The following GNA15 variants were observed in gnomAD, a reference collection of about 807,000 sequenced individuals.
The protein encoded by GNA15 is G protein subunit alpha 15, also known as guanine nucleotide-binding protein subunit alpha-15.
Under a neutral mutation model 40.1 loss-of-function variants are expected in GNA15, and 23 were observed. The ratio of observed to expected loss-of-function variants is 0.57; its 90% confidence interval spans 0.41 to 0.81. The LOEUF (loss-of-function observed/expected upper bound fraction) is 0.81, where lower values mean the gene tolerates loss of function less well. Among genes scored for constraint, GNA15 ranks in the 40% least tolerant of loss-of-function variants. GNA15 has a pLI of 0.00. For missense variants in GNA15, 522 were observed against 515.8 expected, an observed-to-expected ratio of 1.01 and a Z score of -0.12; for synonymous variants, 226 against 210.4, an observed-to-expected ratio of 1.07 and a Z score of -0.64.
At chr19:3,152,758 T>G (rs907892318) in intron 4 of GNA15, among the ~76,000 whole-genome samples, 1 of 152,072 alleles carries the variant, frequency 6.6e-6, no homozygotes, top group Non-Finnish European at 1.5e-5. Context: ...AGACAGCGAT[T>G]GTGTTTGACC....
At chr19:3,145,301 C>G (rs570064586) in intron 1 of GNA15, among the ~76,000 whole-genome samples, 41 of 142,414 alleles carry the variant, frequency 2.9e-4, no homozygotes, top group Admixed American at 5.0e-4. Context: ...TCATGAGTAG[C>G]TGTAACTACC....
At chr19:3,150,420 C>CCAGGGGGACCCTAA (rs1914852868) in intron 3 of GNA15, 135 bp downstream of exon 3, 2 of 725,542 alleles carry the variant, frequency 2.8e-6, no homozygotes, top group Non-Finnish European at 4.4e-6. Context: ...GGATGAGGTC[C>CCAGGGGGACCCTAA]TTCCAGGGGG....
At chr19:3,144,705 T>C (rs1449325063) in intron 1 of GNA15, among the ~76,000 whole-genome samples, 2 of 151,422 alleles carry the variant, frequency 1.3e-5, no homozygotes, top group African/African-American at 4.9e-5. Context: ...ATTTTTTGTA[T>C]TTTTAGTAGA....
Position 3,162,893 on chromosome 19 carries a change from C to T in GNA15, c.999C>T (p.Gly333=). Residue 333 remains glycine (G), a synonymous_variant, in exon 7 of 7, where the codon GGC becomes GGT. Coordinates refer to ENST00000262958, the MANE Select transcript of GNA15 (RefSeq NM_002068.4). ...ACGGCCCCGAGGGCAGCAAGAAGGG[C>T]GCACGATCCCGACGCCTCTTCAGCC... ...CVDGPEGSKK[G]ARSRRLFSHY... The T allele has an allele frequency of 6.2e-7, 1 of 1,613,502 alleles. No individual in the cohort carries two copies. The highest frequency in any genetic ancestry group is 8.5e-7 in the Non-Finnish European group (1 of 1,179,424).
chr19:3,162,735 A>G (rs775487907), intron 6 of GNA15, 58 bp from the exon 7 acceptor site: 2 of 1,166,078 alleles, frequency 1.7e-6, no homozygotes, highest in Non-Finnish European at 2.6e-6. Flanking sequence ...GGGTCTCCAG[A>G]GGCCCCCTGG....
intron 4 of GNA15, among the ~76,000 whole-genome samples, chr19:3,152,592 A>G (rs991166264): frequency 2.0e-5 from 3 of 152,138 alleles, no homozygotes. Flanking sequence ...CAGCAGAGCA[A>G]TGGCCAATGT....
At chr19:3,142,664 G>T (rs2144842312) in intron 1 of GNA15, among the ~76,000 whole-genome samples, 1 of 152,130 alleles carries the variant, frequency 6.6e-6, no homozygotes, top group South Asian at 2.1e-4. Flanking sequence ...TTGAGGCCAG[G>T]AGTTCAAGAC....
In GNA15 at chr19:3,148,552, C is replaced by T. The variant is rs1339875208; in HGVS notation, c.146-39C>T. On this transcript the variant is annotated intron_variant, in intron 1 of 6. Coordinates refer to ENST00000262958, the MANE Select transcript of GNA15 (RefSeq NM_002068.4). The stretch of plus-strand genomic sequence containing the variant: ...GGTTGGGGGTGTCGGGGGTGGGAGT[C>T]CCGTGGAGGGCTGAGCGGTTCTGCT... The T allele has an allele frequency of 1.9e-5, 28 of 1,510,912 alleles. 1 individual carries two copies. In the African/African-American group the frequency reaches 2.3e-4, roughly 13 times the overall value. 93.6% of individuals were successfully genotyped at this position (1,510,912 alleles called of 1,614,324 possible). A position where few individuals can be genotyped will look rare whatever the true frequency, so the allele number is the denominator to read the frequency against.
chr19:3,149,089 A>C, intron 2 of GNA15: 1 of 345,062 alleles, frequency 2.9e-6, no homozygotes, highest in South Asian at 3.7e-5. Context: ...ACACACCCAC[A>C]CACATACACA....
intron 5 of GNA15, among the ~76,000 whole-genome samples, chr19:3,156,350 C>G (rs1250683669): frequency 6.6e-6 from 1 of 151,970 alleles, no homozygotes; most frequent in African/African-American, 2.4e-5. Flanking sequence ...CACACATGCA[C>G]CACACACATG....
intron 2 of GNA15, chr19:3,149,882 C>T: frequency 2.3e-6 from 1 of 430,078 alleles, no homozygotes; most frequent in South Asian, 3.2e-5. Context: ...TGAGCCTGGG[C>T]TCGCCCGAGC....
intron 6 of GNA15, among the ~76,000 whole-genome samples, chr19:3,160,532 G>C (rs1489176861): frequency 6.6e-6 from 1 of 152,124 alleles, no homozygotes; most frequent in African/African-American, 2.4e-5. Flanking sequence ...TATCAGCCCG[G>C]ATTCAAAAGA....
chr19:3,152,741 T>C (rs748005689), intron 4 of GNA15, among the ~76,000 whole-genome samples: 6 of 152,198 alleles, frequency 3.9e-5, no homozygotes, highest in Admixed American at 6.5e-5. Context: ...TGCAAAGTCA[T>C]GCCCAGAGAC....
At chr19:3,145,889 C>A (rs12461827) in intron 1 of GNA15, among the ~76,000 whole-genome samples, 2 of 151,572 alleles carry the variant, frequency 1.3e-5, no homozygotes, top group South Asian at 2.1e-4. Context: ...ATAGACATGA[C>A]CCCTGGAGAA....
rs760016259 is a variant in GNA15 at position 3,157,749 on chromosome 19, G to A, written c.766G>A (p.Ala256Thr). Residue 256 changes from alanine to threonine, a missense_variant, in exon 6 of 7, where the codon GCA becomes ACA. By Grantham distance (58) the Ala-to-Thr change is moderately conservative. Coordinates refer to ENST00000262958, the MANE Select transcript of GNA15 (RefSeq NM_002068.4). ...NQENRMKESL[A>T]LFGTILELPW... is the part of the protein sequence containing the mutation. ...ACAGAACCGCATGAAGGAGAGCCTCGCATTGTTTGGGACTATCCTGGAACT... is the reference window on the plus strand; with the variant it reads ...ACAGAACCGCATGAAGGAGAGCCTCACATTGTTTGGGACTATCCTGGAACT... 5.0e-6 allele frequency: 8 copies of A among 1,613,994 alleles called. No individual in the cohort carries two copies. Among genetic ancestry groups the A allele is most frequent in the African/African-American group, 1.3e-5 (1 of 75,036 alleles).
Position 3,155,991 on chromosome 19 carries a change from C to T in GNA15, c.744+39C>T, listed in dbSNP as rs1454822763. ...TCCCTCGCCCTGCCCACTTGTTGGC[C>T]CAGGGACCCTCACCTGAGCAGGAAG... On this transcript the variant is annotated intron_variant, in intron 5 of 6. Transcript: ENST00000262958. The surrounding 1 kb of genome is among the most constrained non-coding windows in gnomAD (Gnocchi z 5.6). 1 of 1,599,060 alleles carries T rather than the reference C, an allele frequency of 6.3e-7. No individual in the cohort carries two copies. Among genetic ancestry groups the T allele is most frequent in the Non-Finnish European group, 8.6e-7 (1 of 1,168,290 alleles).
intron 1 of GNA15, among the ~76,000 whole-genome samples, chr19:3,144,580 G>C (rs1464754365): frequency 1.3e-5 from 2 of 151,912 alleles, no homozygotes; most frequent in African/African-American, 4.8e-5. Flanking sequence ...CCAGGCTGGA[G>C]TGCAGTGGCA....
At chr19:3,154,833 A>T (rs1431884514) in intron 4 of GNA15, among the ~76,000 whole-genome samples, 1 of 152,032 alleles carries the variant, frequency 6.6e-6, no homozygotes, top group South Asian at 2.1e-4. Context: ...CTGGGAAATC[A>T]TGGGGAAGTC....
intron 1 of GNA15, among the ~76,000 whole-genome samples, chr19:3,146,188 A>C (rs1914717791): frequency 6.6e-6 from 1 of 152,116 alleles, no homozygotes; most frequent in South Asian, 2.1e-4. Context: ...CTGGAGGCAG[A>C]AGCAGTCCCA....
Sources: gnomAD v4.1 joint callset for allele counts (sites outside exome capture counted in the v4.1 genomes callset) on GRCh38, gnomAD v4.1.1 for gene constraint, Gnocchi (gnomAD v3.1) non-coding constraint, MANE v1.5 for transcripts, NCBI Gene and HGNC (gene_info 2026-07-23, HGNC 2026-07-21) for gene names.